PHLPP1: variants seen among roughly 807,000 people sequenced by gnomAD.
PHLPP1 encodes the protein PH domain and leucine rich repeat protein phosphatase 1.
A neutral mutation model predicts 117.2 loss-of-function variants in PHLPP1; 42 were observed. That is an observed-to-expected ratio of 0.36 (90% CI 0.28 to 0.46). The LOEUF is 0.46. PHLPP1 is among the 20% of genes least tolerant of loss of function. The pLI is 1.00. For missense variants in PHLPP1, 2,084 were observed against 2,241.9 expected (o/e 0.93, Z 1.42); for synonymous variants, 1,042 against 970.7 (o/e 1.07, Z -1.37).
intron 13 of PHLPP1, among the ~76,000 whole-genome samples, chr18:62,961,251 G>T (rs536798078): frequency 6.6e-6 from 1 of 152,120 alleles, no homozygotes. Flanking sequence ...GCCGTGTTAC[G>T]CTATTGTACT....
At chr18:62,734,503 G>T (rs181567679) in intron 1 of PHLPP1, among the ~76,000 whole-genome samples, 5 of 152,132 alleles carry the variant, frequency 3.3e-5, no homozygotes, top group African/African-American at 1.2e-4. Context: ...TTTATCTTGA[G>T]TAGATGGCAG....
chr18:62,851,330 A>C (rs576750371), intron 3 of PHLPP1, among the ~76,000 whole-genome samples: 1 of 152,202 alleles, frequency 6.6e-6, no homozygotes, highest in South Asian at 2.1e-4. Context: ...CCCAGCCTGC[A>C]GTTGTTTCCA....
At chr18:62,854,252 G>A (rs1208878566) in intron 3 of PHLPP1, among the ~76,000 whole-genome samples, 2 of 152,160 alleles carry the variant, frequency 1.3e-5, no homozygotes, top group African/African-American at 4.8e-5. Flanking sequence ...GAGATTTGAG[G>A]CACTTTCTAT....
intron 1 of PHLPP1, among the ~76,000 whole-genome samples, chr18:62,819,172 G>A (rs1914374350): frequency 1.3e-5 from 2 of 152,176 alleles, no homozygotes; most frequent in Non-Finnish European, 2.9e-5. Flanking sequence ...GTAGCACAAA[G>A]ACTGGGAGAA....
chr18:62,774,694 A>G (rs1230725380), intron 1 of PHLPP1, among the ~76,000 whole-genome samples: 4 of 152,228 alleles, frequency 2.6e-5, no homozygotes, highest in African/African-American at 9.6e-5. Context: ...ACTTTCGTTT[A>G]GAAACCTTAT....
chr18:62,723,504 T>G (rs1475958979), intron 1 of PHLPP1, among the ~76,000 whole-genome samples: 5 of 152,234 alleles, frequency 3.3e-5, no homozygotes, highest in Non-Finnish European at 1.5e-5. Context: ...AGGAAGAGAT[T>G]TGTATTTGTT....
At chr18:62,726,779 T>C (rs1448263443) in intron 1 of PHLPP1, among the ~76,000 whole-genome samples, 1 of 151,506 alleles carries the variant, frequency 6.6e-6, no homozygotes, top group African/African-American at 2.4e-5. Flanking sequence ...AGATGGGGTT[T>C]TGCCATGTTG....
intron 1 of PHLPP1, among the ~76,000 whole-genome samples, chr18:62,732,506 A>G (rs868610546): frequency 2.0e-5 from 3 of 152,234 alleles, no homozygotes; most frequent in Admixed American, 6.5e-5. Flanking sequence ...GTACCTGGTC[A>G]TCCAAGAGCT....
intron 1 of PHLPP1, among the ~76,000 whole-genome samples, chr18:62,782,571 T>A (rs1568115630): frequency 6.6e-6 from 1 of 152,250 alleles, no homozygotes; most frequent in Non-Finnish European, 1.5e-5. Context: ...TGAATTCAGC[T>A]ATATGCACTC....
intron 1 of PHLPP1, among the ~76,000 whole-genome samples, chr18:62,797,708 T>A (rs1274986202): frequency 6.6e-6 from 1 of 152,218 alleles, no homozygotes; most frequent in Admixed American, 6.5e-5. Flanking sequence ...TTATAACACA[T>A]TTGTATACCT....
chr18:62,845,895 A>G (rs911054075), intron 3 of PHLPP1, among the ~76,000 whole-genome samples: 1 of 152,172 alleles, frequency 6.6e-6, no homozygotes, highest in Admixed American at 6.5e-5. Flanking sequence ...CCTTTGATCT[A>G]ACAAGCCTAC....
At chr18:62,759,991 C>T (rs1473475607) in intron 1 of PHLPP1, among the ~76,000 whole-genome samples, 1 of 152,204 alleles carries the variant, frequency 6.6e-6, no homozygotes, top group African/African-American at 2.4e-5. Context: ...ACCTGTGTCT[C>T]TTTGCCCCTT....
intron 11 of PHLPP1, 74 bp downstream of exon 11, chr18:62,941,992 A>G (rs1599133500): frequency 1.7e-6 from 2 of 1,201,996 alleles, no homozygotes; most frequent in East Asian, 4.8e-5. Flanking sequence ...GAAGGCTGAA[A>G]TATTTATTTC....
At chr18:62,925,240 G>A (rs1307542267) in intron 10 of PHLPP1, among the ~76,000 whole-genome samples, 1 of 152,132 alleles carries the variant, frequency 6.6e-6, no homozygotes, top group Non-Finnish European at 1.5e-5. Flanking sequence ...TGTCCATCTA[G>A]CATCTGCATG....
intron 3 of PHLPP1, among the ~76,000 whole-genome samples, chr18:62,855,375 A>G (rs897033696): frequency 1.3e-5 from 2 of 152,072 alleles, no homozygotes; most frequent in Non-Finnish European, 2.9e-5. Flanking sequence ...TAGTTTTCTC[A>G]TTTGGGAATC....
chr18:62,929,910 T>C (rs746272969), intron 10 of PHLPP1, among the ~76,000 whole-genome samples: 6 of 152,086 alleles, frequency 3.9e-5, no homozygotes, highest in African/African-American at 9.7e-5. Context: ...TGAGCTATGA[T>C]TGGACCACTG....
rs980672301 is a variant in PHLPP1, at chr18:62,716,945, G to T, written c.1262G>T (p.Arg421Met). The T allele has an allele frequency of 1.3e-6, 2 of 1,537,056 alleles. No homozygotes were observed. The highest frequency in any genetic ancestry group is 1.4e-5 in the African/African-American group (1 of 72,722). Residue 421 changes from arginine to methionine, a missense_variant, in exon 1 of 17, where the codon AGG (arginine) becomes ATG (methionine). Coordinates refer to ENST00000262719, the MANE Select transcript of PHLPP1 (RefSeq NM_194449.4). The surrounding 1 kb of genome is among the most constrained non-coding windows in gnomAD (Gnocchi z 5.7). ...CCTCAGCCGCAGCAGAAAGCCCCGA[G>T]GGCCATTGACAGCCCGGGCGGGGCC... ...SSPQPQQKAP[R>M]AIDSPGGAVR...
chr18:62,978,328 G>T lies in PHLPP1; in HGVS notation c.4051G>T (p.Val1351Leu), dbSNP rs745337060. 3.7e-6 allele frequency: 6 copies of T among 1,613,232 alleles called. No individual in the cohort carries two copies. The highest frequency in any genetic ancestry group is 1.3e-5 in the African/African-American group (1 of 74,888). ...ILGYTFLHPS[V>L]VPRPHVQSVL... ...GGGCTACACCTTCCTCCATCCCAGT[G>T]TGGTGCCTCGCCCCCACGTGCAGTC... is the stretch of plus-strand genomic sequence containing the variant. The change falls in exon 17 of 17, where the codon GTG (valine) becomes TTG (leucine). Residue 1351 changes from valine (V) to leucine (L), a missense_variant. By Grantham distance (32) the Val-to-Leu change is conservative. Coordinates refer to ENST00000262719, the MANE Select transcript of PHLPP1 (RefSeq NM_194449.4). This position sits in a 1 kb window ranked among gnomAD's most constrained non-coding sequence, Gnocchi z 7.0.
chr18:62,721,254 T>C (rs904495866), intron 1 of PHLPP1, among the ~76,000 whole-genome samples: 1 of 152,174 alleles, frequency 6.6e-6, no homozygotes, highest in African/African-American at 2.4e-5. Context: ...TGAAGTGTTC[T>C]AAATATCCTG....
Sources: allele counts gnomAD v4.1 joint callset (sites outside exome capture counted in the v4.1 genomes callset), GRCh38; gene constraint gnomAD v4.1.1; non-coding constraint Gnocchi (gnomAD v3.1); transcripts MANE v1.5; gene names NCBI Gene and HGNC (gene_info 2026-07-23, HGNC 2026-07-21).